Variants in CARD8 observed in about 807,000 individuals in gnomAD.
CARD8 encodes the protein caspase recruitment domain family member 8.
CARD8 carries 38 observed loss-of-function variants against 53.2 expected under a neutral mutation model. The ratio of observed to expected loss-of-function variants is 0.71; its 90% CI spans 0.55 to 0.94. The LOEUF (loss-of-function observed/expected upper bound fraction) is 0.94. Ranked by LOEUF, CARD8 falls within the 40% of genes least tolerant of loss-of-function variation. CARD8 has a pLI of 0.00. For synonymous variants in CARD8, 245 were observed against 244.9 expected (o/e 1.00, Z 0.00); for missense variants, 561 against 655.5 (o/e 0.86, Z 1.57).
chr19:48,213,391 T>C (rs1251078197), intron 13 of CARD8, among the ~76,000 whole-genome samples: 2 of 152,154 alleles, frequency 1.3e-5, no homozygotes, highest in East Asian at 3.9e-4. Flanking sequence ...TTTATTTATT[T>C]TGAGACAAAG....
intron 13 of CARD8, 102 bp from the exon 14 acceptor site, chr19:48,212,077 CT>C: frequency 9.1e-7 from 1 of 1,097,934 alleles, no homozygotes; most frequent in Non-Finnish European, 1.3e-6. Context: ...GAGATTGCTC[CT>C]TGTGTCTGTA....
chr19:48,211,688 C>T lies in CARD8; in HGVS notation c.*22G>A, dbSNP rs768643736. Reference sequence around the variant, plus strand: ...AATGAGAACGCTGGATTCTCTCTTCCAGACTACCTAACTGACTCATTTTAC... The same window carrying T: ...AATGAGAACGCTGGATTCTCTCTTCTAGACTACCTAACTGACTCATTTTAC... On this transcript the variant is annotated 3_prime_UTR_variant, in exon 14 of 14. Transcript: ENST00000651546. The T allele has an allele frequency of 6.2e-7, 1 of 1,606,092 alleles. No homozygotes were observed. The highest frequency in any genetic ancestry group is 2.2e-5 in the East Asian group (1 of 44,806).
At chr19:48,214,315 T>G (rs1419194857) in intron 13 of CARD8, among the ~76,000 whole-genome samples, 6 of 152,064 alleles carry the variant, frequency 3.9e-5, no homozygotes, top group Admixed American at 3.9e-4. Context: ...TGTTACACCG[T>G]CTCTCTAAAA....
chr19:48,208,812 C>A lies in CARD8; in HGVS notation c.*2898G>T, dbSNP rs1250207992. ...CCAAAATGGTGAAACCCTGTCTCTA[C>A]TAAAAATATTTTTAAAAAAAAATTA... On this transcript the variant is annotated 3_prime_UTR_variant, in exon 14 of 14. Coordinates refer to ENST00000651546, the MANE Select transcript of CARD8 (RefSeq NM_001184900.3). 1 of 99,000 alleles carries A rather than the reference C, an allele frequency of 1.0e-5. No individual in the cohort carries two copies. The highest frequency in any genetic ancestry group is 3.2e-5 in the African/African-American group (1 of 31,154). 6.1% of individuals were successfully genotyped at this position (99,000 alleles called of 1,614,324 possible).
At chr19:48,251,856 A>G (rs1003102577) in intron 1 of CARD8, among the ~76,000 whole-genome samples, 41 of 152,204 alleles carry the variant, frequency 2.7e-4, no homozygotes, top group African/African-American at 9.4e-4. Flanking sequence ...ACCGGCGGAG[A>G]GCCCAGCGTC....
rs368359327 is a variant in CARD8 at position 48,211,803 on chromosome 19, C to G, written c.1521G>C (p.Glu507Asp). Residue 507 changes from glutamate to aspartate, a missense_variant, in exon 14 of 14, where the codon GAG (glutamate) becomes GAC (aspartate). Transcript: ENST00000651546. ...SKNEALLSMV[E>D]KKGDLALDVL... ...CGTCCAGGGCCAGGTCCCCTTTCTT[C>G]TCCACCATGCTCAGCAAGGCCTCAT... 1.1e-5 allele frequency: 17 copies of G among 1,614,186 alleles called. No homozygotes were observed. The highest frequency in any genetic ancestry group is 1.4e-5 in the Non-Finnish European group (17 of 1,180,032).
chr19:48,211,796 C>G lies in CARD8; in HGVS notation c.1528G>C (p.Gly510Arg). ...EALLSMVEKK[G>R]DLALDVLFRS... Reference sequence around the variant, plus strand: ...AAGAGCACGTCCAGGGCCAGGTCCCCTTTCTTCTCCACCATGCTCAGCAAG... The same window carrying G: ...AAGAGCACGTCCAGGGCCAGGTCCCGTTTCTTCTCCACCATGCTCAGCAAG... Residue 510 changes from glycine to arginine, a missense_variant, in exon 14 of 14, where the codon GGG becomes CGG. Gly to Arg is a moderately radical substitution (Grantham distance 125). Transcript: ENST00000651546. The G allele has an allele frequency of 1.2e-6, 2 of 1,614,180 alleles. No individual in the cohort carries two copies. Among genetic ancestry groups the G allele is most frequent in the Non-Finnish European group, 1.7e-6 (2 of 1,180,044 alleles).
At chr19:48,239,151 T>C (rs1260489346) in intron 4 of CARD8, among the ~76,000 whole-genome samples, 2 of 152,210 alleles carry the variant, frequency 1.3e-5, no homozygotes, top group Non-Finnish European at 2.9e-5. Context: ...ACTGAGCTTA[T>C]TTGAAGGTAG....
At chr19:48,212,029 G>A (rs1233139551) in intron 13 of CARD8, 54 bp from the exon 14 acceptor site, 3 of 1,549,200 alleles carry the variant, frequency 1.9e-6, no homozygotes, top group Non-Finnish European at 2.6e-6. Flanking sequence ...ACAGGATTCA[G>A]GATCTATACC....
At chr19:48,218,303 A>G (rs1332795107) in intron 12 of CARD8, among the ~76,000 whole-genome samples, 1 of 151,978 alleles carries the variant, frequency 6.6e-6, no homozygotes, top group African/African-American at 2.4e-5. Flanking sequence ...GCACCTATCA[A>G]ATCATCACCT....
Position 48,211,827 on chromosome 19 carries a change from A to T in CARD8, c.1497T>A (p.Asn499Lys). The T allele has an allele frequency of 1.2e-6, 2 of 1,614,056 alleles. No individual in the cohort carries two copies. The highest frequency in any genetic ancestry group is 1.7e-6 in the Non-Finnish European group (2 of 1,180,000). ...TCTCCACCATGCTCAGCAAGGCCTC[A>T]TTCTTGCTCTGCCGTGTCTTTTCCT... is the stretch of plus-strand genomic sequence containing the variant. ...VEQEKTRQSK[N>K]EALLSMVEKK... The change falls in exon 14 of 14, where the codon AAT (asparagine) becomes AAA (lysine). Residue 499 changes from asparagine to lysine, a missense_variant. Transcript: ENST00000651546.
intron 4 of CARD8, 109 bp downstream of exon 4, chr19:48,240,853 C>G (rs1331541788): frequency 1.1e-6 from 1 of 896,434 alleles, no homozygotes; most frequent in Non-Finnish European, 1.7e-6. Flanking sequence ...AAAATGTGAG[C>G]AGAACCTTTC....
chr19:48,229,876 G>A (rs547324172), intron 10 of CARD8, among the ~76,000 whole-genome samples: 39 of 152,288 alleles, frequency 2.6e-4, no homozygotes, highest in African/African-American at 9.1e-4. Context: ...ACTTCGGGAG[G>A]CCAAGGCAGG....
rs2037604424 is a variant in CARD8, at chr19:48,208,947, G to T, written c.*2763C>A. The T allele has an allele frequency of 7.9e-6, 1 of 126,646 alleles. No homozygotes were observed. Among genetic ancestry groups the T allele is most frequent in the Non-Finnish European group, 1.6e-5 (1 of 64,246 alleles). 7.8% of individuals were successfully genotyped at this position (126,646 alleles called of 1,614,324 possible). ...TGCAGTGAGCTGAGATCACACCACTGCACTCCAGCCTAGATGACAGAGCGA... is the reference window on the plus strand; with the variant it reads ...TGCAGTGAGCTGAGATCACACCACTTCACTCCAGCCTAGATGACAGAGCGA... On this transcript the variant is annotated 3_prime_UTR_variant, in exon 14 of 14. Transcript: ENST00000651546.
chr19:48,253,714 ATCACT>A (rs2047223262), intron 1 of CARD8, among the ~76,000 whole-genome samples: 1 of 152,232 alleles, frequency 6.6e-6, no homozygotes. Flanking sequence ...TATAAAGTAG[ATCACT>A]TCAATAAGAA....
At position 48,210,256 on chromosome 19, in the gene CARD8, T is replaced by C. The variant is rs967088787; in HGVS notation, c.*1454A>G. 6.6e-6 allele frequency: 1 copy of C among 151,798 alleles called. No homozygotes were observed. The highest frequency in any genetic ancestry group is 6.6e-5 in the Admixed American group (1 of 15,236). 9.4% of individuals were successfully genotyped at this position (151,798 alleles called of 1,614,324 possible). A position where few individuals can be genotyped will look rare whatever the true frequency, so the allele number is the denominator to read the frequency against. Reference sequence around the variant, plus strand: ...AAATACTACAAGCAAAAAACATCACTGAGAATGAAGGTGAGAAAAAGATGT... The same window carrying C: ...AAATACTACAAGCAAAAAACATCACCGAGAATGAAGGTGAGAAAAAGATGT... On this transcript the variant is annotated 3_prime_UTR_variant, in exon 14 of 14. Transcript: ENST00000651546.
chr19:48,215,249 T>C, intron 13 of CARD8, 91 bp downstream of exon 13: 1 of 896,726 alleles, frequency 1.1e-6, no homozygotes. Context: ...AACGTTCTGG[T>C]GCCATGTCAC....
rs1264591065 is a variant in CARD8, at chr19:48,209,438, T to C, written c.*2272A>G. 1.3e-5 allele frequency: 2 copies of C among 152,114 alleles called. No individual in the cohort carries two copies. The highest frequency in any genetic ancestry group is 2.9e-5 in the Non-Finnish European group (2 of 68,024). The allele number at this position is 152,114 out of a possible 1,614,324, so 9.4% of individuals were successfully genotyped here. A position where few individuals can be genotyped will look rare whatever the true frequency, so the allele number is the denominator to read the frequency against. ...TGACCAAAATTTAAAAGGTGGTGAA[T>C]GCACTCAGTGGGACGACACAGATAA... is the stretch of plus-strand genomic sequence containing the variant. On this transcript the variant is annotated 3_prime_UTR_variant, in exon 14 of 14. Coordinates refer to ENST00000651546, the MANE Select transcript of CARD8 (RefSeq NM_001184900.3).
In CARD8 at chr19:48,231,463, CCTGA is replaced by C. The variant is rs1302698401; in HGVS notation, c.542+193_542+196del. On this transcript the variant is annotated intron_variant, in intron 8 of 13. Coordinates refer to ENST00000651546, the MANE Select transcript of CARD8 (RefSeq NM_001184900.3). ...GGGACTACACGCGGGTGCCACCACG[CCTGA>C]CTAATTTTTGTATTTTTAGTAGAGA... 2.6e-5 allele frequency among the ~76,000 whole-genome samples: 4 copies of C among 152,202 alleles called. No individual in the cohort carries two copies. In the East Asian group the frequency reaches 5.8e-4, roughly 22 times the overall value.
Sources: allele counts gnomAD v4.1 joint callset (sites outside exome capture counted in the v4.1 genomes callset), GRCh38; gene constraint gnomAD v4.1.1; transcripts MANE v1.5; gene names NCBI Gene and HGNC (gene_info 2026-07-23, HGNC 2026-07-21).